The following CTNNA3 variants were observed in gnomAD, a reference collection of about 807,000 sequenced individuals.
CTNNA3 encodes the protein catenin alpha 3.
Under a neutral mutation model 95.7 loss-of-function variants are expected in CTNNA3, and 76 were observed. That is an observed-to-expected ratio of 0.79 (90% confidence interval 0.66 to 0.96). CTNNA3 has a LOEUF of 0.96. Among genes scored for constraint, CTNNA3 ranks in the 40% least tolerant of loss-of-function variants. The pLI is 0.00. For missense variants in CTNNA3, 1,191 were observed against 1,089.8 expected, an observed-to-expected ratio of 1.09 and a Z score of -1.31; for synonymous variants, 431 against 374.4, an observed-to-expected ratio of 1.15 and a Z score of -1.74.
At chr10:67,617,968 C>T (rs187063121) in intron 2 of CTNNA3, among the ~76,000 whole-genome samples, 1 of 151,918 alleles carries the variant, frequency 6.6e-6, no homozygotes, top group Admixed American at 6.6e-5. Context: ...CATATAGTCT[C>T]CTTTTCTACA....
intron 11 of CTNNA3, among the ~76,000 whole-genome samples, chr10:66,485,137 G>A (rs1398132511): frequency 6.6e-6 from 1 of 152,028 alleles, no homozygotes; most frequent in Non-Finnish European, 1.5e-5. Flanking sequence ...AATCAATGAG[G>A]ACAAGCTGAA....
chr10:66,030,712 C>A (rs2079432964), intron 15 of CTNNA3, among the ~76,000 whole-genome samples: 1 of 152,086 alleles, frequency 6.6e-6, no homozygotes, highest in Non-Finnish European at 1.5e-5. Context: ...CAAGTGGAAT[C>A]TAATTAAATG....
At chr10:67,490,015 C>A (rs535722406) in intron 5 of CTNNA3, among the ~76,000 whole-genome samples, 87 of 152,066 alleles carry the variant, frequency 5.7e-4, no homozygotes, top group African/African-American at 2.0e-3. Context: ...CACAAAGCAC[C>A]AATCTTAATG....
chr10:66,210,725 T>G (rs926366256), intron 13 of CTNNA3, among the ~76,000 whole-genome samples: 1 of 152,174 alleles, frequency 6.6e-6, no homozygotes, highest in African/African-American at 2.4e-5. Context: ...CTAAAATATA[T>G]AAAATCCGAT....
chr10:67,738,545 A>T (rs1394552762), intron 1 of CTNNA3, among the ~76,000 whole-genome samples: 1 of 152,138 alleles, frequency 6.6e-6, no homozygotes, highest in African/African-American at 2.4e-5. Context: ...TCCTCCTCCA[A>T]ACGAACGCAG....
At chr10:66,285,485 AT>A (rs1222045786) in intron 12 of CTNNA3, among the ~76,000 whole-genome samples, 3 of 151,740 alleles carry the variant, frequency 2.0e-5, no homozygotes. Flanking sequence ...TATCCAATGA[AT>A]TTTTAATATG....
At chr10:67,686,319 A>G (rs1274261899) in intron 1 of CTNNA3, among the ~76,000 whole-genome samples, 1 of 152,224 alleles carries the variant, frequency 6.6e-6, no homozygotes, top group African/African-American at 2.4e-5. Flanking sequence ...TTCGTATCCC[A>G]TTCTCCACAA....
At chr10:67,369,466 T>C (rs1843336620) in intron 5 of CTNNA3, among the ~76,000 whole-genome samples, 1 of 152,284 alleles carries the variant, frequency 6.6e-6, no homozygotes, top group South Asian at 2.1e-4. Context: ...GCGAGCTAAC[T>C]ATGACTGAGT....
chr10:66,857,087 T>A (rs974579412), intron 7 of CTNNA3, among the ~76,000 whole-genome samples: 6 of 152,088 alleles, frequency 3.9e-5, no homozygotes, highest in African/African-American at 1.4e-4. Context: ...TTGTAAATGG[T>A]ATAAGGAAAG....
intron 12 of CTNNA3, among the ~76,000 whole-genome samples, chr10:66,329,296 G>A (rs2092296556): frequency 6.6e-6 from 1 of 151,774 alleles, no homozygotes; most frequent in African/African-American, 2.4e-5. Context: ...TCTATTCTGG[G>A]ACCTCAATAG....
At chr10:66,543,326 G>A (rs1373498331) in intron 10 of CTNNA3, among the ~76,000 whole-genome samples, 6 of 151,954 alleles carry the variant, frequency 3.9e-5, no homozygotes, top group South Asian at 2.1e-4. Context: ...TCCTGACCTC[G>A]TGATCCACCC....
At chr10:65,943,503 A>T (rs984227266) in intron 17 of CTNNA3, among the ~76,000 whole-genome samples, 1 of 152,210 alleles carries the variant, frequency 6.6e-6, no homozygotes, top group Non-Finnish European at 1.5e-5. Flanking sequence ...ATCCTCAATG[A>T]CATTACATCA....
intron 7 of CTNNA3, among the ~76,000 whole-genome samples, chr10:66,810,982 T>C (rs1214978708): frequency 2.6e-5 from 4 of 152,184 alleles, no homozygotes; most frequent in East Asian, 3.8e-4. Context: ...TATTGTACCA[T>C]GTGGAGACTC....
intron 5 of CTNNA3, among the ~76,000 whole-genome samples, chr10:67,472,515 C>T (rs1454106390): frequency 6.6e-6 from 1 of 152,116 alleles, no homozygotes; most frequent in African/African-American, 2.4e-5. Context: ...ACACTCCTTC[C>T]AGTGCCATGA....
intron 5 of CTNNA3, among the ~76,000 whole-genome samples, chr10:67,420,077 C>T (rs1564637660): frequency 6.6e-6 from 1 of 152,156 alleles, no homozygotes; most frequent in South Asian, 2.1e-4. Flanking sequence ...TCTCGAACTC[C>T]TGACTTTGTG....
intron 5 of CTNNA3, among the ~76,000 whole-genome samples, chr10:67,273,414 G>A (rs1455079032): frequency 6.6e-6 from 1 of 152,062 alleles, no homozygotes; most frequent in Non-Finnish European, 1.5e-5. Context: ...ACCACCATTA[G>A]ATGCCAATAC....
chr10:67,185,134 C>CT (rs369700710), intron 6 of CTNNA3, among the ~76,000 whole-genome samples: 1 of 151,276 alleles, frequency 6.6e-6, no homozygotes, highest in Non-Finnish European at 1.5e-5. Context: ...TTTTTCTTTT[C>CT]TTTTTTTGTT....
At chr10:67,396,793 G>A (rs117049033) in intron 5 of CTNNA3, among the ~76,000 whole-genome samples, 3,774 of 16,326 alleles carry the variant, frequency 0.23, 302 homozygotes, top group East Asian at 0.55. Flanking sequence ...TAATTGAATC[G>A]TGGGGGCAGT....
chr10:66,645,388 A>G (rs374689988), intron 9 of CTNNA3, among the ~76,000 whole-genome samples: 1 of 152,102 alleles, frequency 6.6e-6, no homozygotes. Context: ...ATTTTTGTGT[A>G]CAGTGTGAGA....
Sources: gnomAD v4.1 joint callset for allele counts (sites outside exome capture counted in the v4.1 genomes callset) on GRCh38, gnomAD v4.1.1 for gene constraint, MANE v1.5 for transcripts, NCBI Gene and HGNC (gene_info 2026-07-23, HGNC 2026-07-21) for gene names.